Variants in TIMM9 observed in about 807,000 individuals in gnomAD.
TIMM9 encodes translocase of inner mitochondrial membrane 9.
Under a neutral mutation model 13.4 loss-of-function variants are expected in TIMM9, and 10 were observed. The observed-to-expected ratio is 0.75, with a 90% CI of 0.46 to 1.26. TIMM9 has a LOEUF of 1.26. Ranked by LOEUF, TIMM9 falls within the 50% of genes most tolerant of loss-of-function variation. The pLI, the probability that TIMM9 is intolerant of heterozygous loss-of-function variation, is 0.00. For synonymous variants in TIMM9, 32 were observed against 32.1 expected (o/e 1.00, Z 0.01); for missense variants, 87 against 100.8 (o/e 0.86, Z 0.58).
In TIMM9 at chr14:58,410,903, T is replaced by C. The variant is rs761534572; in HGVS notation, c.75A>G (p.Thr25=). The C allele has an allele frequency of 1.2e-6, 2 of 1,613,548 alleles. No individual in the cohort carries two copies. Among genetic ancestry groups the C allele is most frequent in the East Asian group, 2.2e-5 (1 of 44,854 alleles). The change falls in exon 5 of 6, where the codon ACA becomes ACG. Residue 25 remains threonine (T), a synonymous_variant. Transcript: ENST00000395159. ...TAACACAGTCCAAAAAGCAGGTCTC[T>C]GTAAGTTTATTGTAGGTCCCCAGAA... The part of the protein sequence containing the change: ...KEFLGTYNKL[T]ETCFLDCVKD...
chr14:58,427,296 C>G (rs2036896000), intron 1 of TIMM9, 54 bp from the exon 2 acceptor site: 1 of 291,574 alleles, frequency 3.4e-6, no homozygotes, highest in Admixed American at 4.8e-5. Flanking sequence ...TAAGGATTAA[C>G]TTCGGTTATT....
At chr14:58,409,218 T>G in intron 5 of TIMM9, 50 bp from the exon 6 acceptor site, 1 of 1,593,914 alleles carries the variant, frequency 6.3e-7, no homozygotes, top group Middle Eastern at 1.7e-4. Context: ...ATATGAATTT[T>G]TTAAAATGCA....
At chr14:58,413,100 T>G (rs2036275271) in intron 3 of TIMM9, among the ~76,000 whole-genome samples, 1 of 152,162 alleles carries the variant, frequency 6.6e-6, no homozygotes, top group Non-Finnish European at 1.5e-5. Flanking sequence ...AAAGTATTAA[T>G]AAGACATTTT....
intron 3 of TIMM9, among the ~76,000 whole-genome samples, chr14:58,417,915 C>A (rs1306957761): frequency 6.6e-6 from 1 of 151,952 alleles, no homozygotes; most frequent in Non-Finnish European, 1.5e-5. Context: ...TTTGCAGACA[C>A]CAAAAGGATA....
At chr14:58,422,749 ATTTTC>A (rs1211579818) in intron 3 of TIMM9, among the ~76,000 whole-genome samples, 1 of 151,796 alleles carries the variant, frequency 6.6e-6, no homozygotes, top group African/African-American at 2.4e-5. Context: ...ACTATGATTT[ATTTTC>A]TTTAGAATCA....
chr14:58,411,446 CAA>C (rs1176271404), intron 4 of TIMM9, among the ~76,000 whole-genome samples: 2 of 133,352 alleles, frequency 1.5e-5, no homozygotes, highest in African/African-American at 2.8e-5. Context: ...AGACTGTGTC[CAA>C]AAAAAAAAAG....
intron 3 of TIMM9, among the ~76,000 whole-genome samples, chr14:58,414,930 G>A (rs1484966213): frequency 1.3e-5 from 2 of 152,128 alleles, no homozygotes; most frequent in Non-Finnish European, 2.9e-5. Flanking sequence ...CTACTCTGGG[G>A]TGGTATCTAA....
intron 3 of TIMM9, among the ~76,000 whole-genome samples, chr14:58,419,469 A>T (rs1177929593): frequency 6.7e-6 from 1 of 149,016 alleles, no homozygotes; most frequent in Non-Finnish European, 1.5e-5. Context: ...ACACACACAC[A>T]CACACACACA....
chr14:58,408,715 C>T lies in TIMM9; in HGVS notation c.*319G>A. 4.7e-6 allele frequency: 4 copies of T among 847,940 alleles called. No individual in the cohort carries two copies. The highest frequency in any genetic ancestry group is 7.1e-6 in the Non-Finnish European group (4 of 562,034). The allele number at this position is 847,940 out of a possible 1,614,324, so 52.5% of individuals were successfully genotyped here. The stretch of plus-strand genomic sequence containing the variant: ...TTTCTATCTCATACATGATCGAACA[C>T]ATAAGTTGCTTTAAAATTAACAGTC... On this transcript the variant is annotated 3_prime_UTR_variant, in exon 6 of 6. Coordinates refer to ENST00000395159, the MANE Select transcript of TIMM9 (RefSeq NM_012460.4).
intron 3 of TIMM9, among the ~76,000 whole-genome samples, chr14:58,421,609 A>T (rs1176291495): frequency 2.6e-5 from 4 of 152,198 alleles, no homozygotes; most frequent in African/African-American, 7.2e-5. Flanking sequence ...ATGTTATTGT[A>T]TAACTTTCTG....
At position 58,419,669 on chromosome 14, in the gene TIMM9, G is replaced by T. The variant is rs117650379; in HGVS notation, c.-27+4339C>A. 8.7e-3 allele frequency among the ~76,000 whole-genome samples: 1,322 copies of T among 152,198 alleles called. 32 individuals are homozygous for T. The highest frequency in any genetic ancestry group is 0.086 in the East Asian group (441 of 5,152). On this transcript the variant is annotated intron_variant, in intron 3 of 5. Transcript: ENST00000395159. ...GCCTGGAATTCTAGCACTTTGGGAG[G>T]CCAAGGTTGGCAGATGGCTTGAGGC...
chr14:58,420,204 A>G (rs746493120), intron 3 of TIMM9, among the ~76,000 whole-genome samples: 15 of 152,234 alleles, frequency 9.9e-5, no homozygotes, highest in Admixed American at 3.3e-4. Flanking sequence ...ATTAGACTTC[A>G]TGAAAATTAA....
rs367730508 is a variant in TIMM9 at position 58,411,653 on chromosome 14, C to T, written c.39+254G>A. Reference sequence around the variant, plus strand: ...TTCCTGGGTCAAGCAATTCCTGTGCCTCAGCCTCCCACGTAGCTGGGACTA... The same window carrying T: ...TTCCTGGGTCAAGCAATTCCTGTGCTTCAGCCTCCCACGTAGCTGGGACTA... On this transcript the variant is annotated intron_variant, in intron 4 of 5. Transcript: ENST00000395159. 2.6e-5 allele frequency among the ~76,000 whole-genome samples: 4 copies of T among 151,960 alleles called. 1 individual carries two copies.
intron 5 of TIMM9, among the ~76,000 whole-genome samples, chr14:58,410,295 G>A (rs182080033): frequency 4.0e-5 from 6 of 151,740 alleles, no homozygotes; most frequent in East Asian, 3.9e-4. Context: ...GGCTGGTTTC[G>A]AACTCCTGGG....
chr14:58,409,496 T>C (rs910293495), intron 5 of TIMM9, among the ~76,000 whole-genome samples: 1 of 152,206 alleles, frequency 6.6e-6, no homozygotes, highest in East Asian at 1.9e-4. Flanking sequence ...TATTAAAATG[T>C]AGACCCAGTA....
intron 3 of TIMM9, among the ~76,000 whole-genome samples, chr14:58,420,860 CA>C (rs1379713755): frequency 7.3e-6 from 1 of 137,636 alleles, no homozygotes; most frequent in Non-Finnish European, 1.6e-5. Context: ...CAAAACAAAA[CA>C]AAAAAACAAA....
rs963457006 is a variant in TIMM9 at position 58,411,851 on chromosome 14, T to C, written c.39+56A>G. 5.9e-6 allele frequency: 9 copies of C among 1,522,246 alleles called. No homozygotes were observed. In the African/African-American group the frequency reaches 1.2e-4, roughly 21 times the overall value. 94.3% of individuals were successfully genotyped at this position (1,522,246 alleles called of 1,614,324 possible). A position where few individuals can be genotyped will look rare whatever the true frequency, so the allele number is the denominator to read the frequency against. On this transcript the variant is annotated intron_variant, in intron 4 of 5. Coordinates refer to ENST00000395159, the MANE Select transcript of TIMM9 (RefSeq NM_012460.4). ...TGCACCCAGCCTGACATGGTGGCAT[T>C]AGTAGCACCTTACATTTTTTTGCAA... is the stretch of plus-strand genomic sequence containing the variant.
chr14:58,416,868 G>A (rs190468706), intron 3 of TIMM9, among the ~76,000 whole-genome samples: 91 of 152,306 alleles, frequency 6.0e-4, no homozygotes, highest in Middle Eastern at 6.8e-3. Context: ...AGCACTTTGG[G>A]AGGCTGAGGT....
chr14:58,409,168 T>C lies in TIMM9; in HGVS notation c.136A>G (p.Thr46Ala), dbSNP rs1595004577. Residue 46 changes from threonine (T) to alanine (A), a missense_variant and splice_region_variant, in exon 6 of 6, where the codon ACC (threonine) becomes GCC (alanine). Thr to Ala is a moderately conservative substitution (Grantham distance 58). Transcript: ENST00000395159. ...TGTAAGCAATGTTCTGAACAGGTGG[T>C]CTAGGAATGAAAAGGGAAGATCCAA... is the stretch of plus-strand genomic sequence containing the variant. Reference protein sequence around the residue: ...FTTREVKPEETTCSEHCLQKY... With the variant: ...FTTREVKPEEATCSEHCLQKY... The C allele has an allele frequency of 8.7e-6, 14 of 1,611,538 alleles. No homozygotes were observed. The Admixed American group carries it at 2.4e-4, about 27-fold the overall frequency.
Sources: allele counts gnomAD v4.1 joint callset (sites outside exome capture counted in the v4.1 genomes callset), GRCh38; gene constraint gnomAD v4.1.1; transcripts MANE v1.5; gene names NCBI Gene and HGNC (gene_info 2026-07-23, HGNC 2026-07-21).